Variants in KCNIP1 observed in about 807,000 individuals in gnomAD.
The protein encoded by KCNIP1 is potassium voltage-gated channel interacting protein 1, also known as A-type potassium channel modulatory protein KCNIP1.
A neutral mutation model predicts 33.0 loss-of-function variants in KCNIP1; 18 were observed. The ratio of observed to expected loss-of-function variants is 0.55; its 90% confidence interval spans 0.38 to 0.81. The LOEUF (loss-of-function observed/expected upper bound fraction) is 0.81. Among genes scored for constraint, KCNIP1 ranks in the 30% least tolerant of loss-of-function variants. The pLI is 0.00. For synonymous variants in KCNIP1, 93 were observed against 98.3 expected, an observed-to-expected ratio of 0.95 and a Z score of 0.32; for missense variants, 238 against 271.6, an observed-to-expected ratio of 0.88 and a Z score of 0.87.
intron 1 of KCNIP1, among the ~76,000 whole-genome samples, chr5:170,713,373 G>A (rs1763525474): frequency 6.6e-6 from 1 of 152,196 alleles, no homozygotes; most frequent in African/African-American, 2.4e-5. Flanking sequence ...GTAGGTGGGA[G>A]GGTAAGTAGG....
At chr5:170,370,087 G>GC (rs1266388480) in intron 1 of KCNIP1, among the ~76,000 whole-genome samples, 2 of 152,126 alleles carry the variant, frequency 1.3e-5, no homozygotes, top group Non-Finnish European at 2.9e-5. Flanking sequence ...CCCTAGAAAT[G>GC]AAGCAAGAGG....
chr5:170,506,394 G>A (rs1473518748), intron 1 of KCNIP1, among the ~76,000 whole-genome samples: 1 of 152,184 alleles, frequency 6.6e-6, no homozygotes, highest in East Asian at 1.9e-4. Flanking sequence ...TGTGTTGGCT[G>A]CAGCCACCAG....
upstream of KCNIP1, among the ~76,000 whole-genome samples, chr5:170,500,652 A>G (rs1445038118): frequency 6.6e-6 from 1 of 152,132 alleles, no homozygotes; most frequent in East Asian, 1.9e-4. Flanking sequence ...CTTGCCCCTC[A>G]CACTTACCTG....
chr5:170,626,449 T>C (rs1759828574), intron 1 of KCNIP1, among the ~76,000 whole-genome samples: 1 of 152,154 alleles, frequency 6.6e-6, no homozygotes, highest in Non-Finnish European at 1.5e-5. Flanking sequence ...CGTGAGCAGG[T>C]GTCACTGCTC....
At chr5:170,376,358 T>G (rs2113319556) in intron 1 of KCNIP1, 1 of 151,932 alleles carries the variant, frequency 6.6e-6, no homozygotes, top group South Asian at 2.1e-4. Context: ...AGAGACAGGG[T>G]TTCACCGTGT....
At chr5:170,681,146 G>C (rs749698368) in intron 1 of KCNIP1, 22 of 399,090 alleles carry the variant, frequency 5.5e-5, no homozygotes, top group Non-Finnish European at 9.7e-5. Context: ...TGAAACTTTT[G>C]CACTACCTCG....
At chr5:170,633,381 G>A (rs766093742) in intron 1 of KCNIP1, among the ~76,000 whole-genome samples, 1 of 151,736 alleles carries the variant, frequency 6.6e-6, no homozygotes, top group African/African-American at 2.4e-5. Flanking sequence ...AGTGACTGAG[G>A]TAGTCAGGGG....
At chr5:170,559,933 C>T (rs1756975670) in intron 1 of KCNIP1, among the ~76,000 whole-genome samples, 1 of 152,214 alleles carries the variant, frequency 6.6e-6, no homozygotes, top group Admixed American at 6.5e-5. Context: ...CCCAAATTTC[C>T]TCCTGCTTAT....
intron 1 of KCNIP1, among the ~76,000 whole-genome samples, chr5:170,363,193 T>C (rs941199227): frequency 2.0e-5 from 3 of 152,350 alleles, no homozygotes; most frequent in Middle Eastern, 3.4e-3. Flanking sequence ...ACATCACAGA[T>C]ACAGCACTGT....
chr5:170,549,842 T>G (rs1291705789), intron 1 of KCNIP1, among the ~76,000 whole-genome samples: 1 of 152,226 alleles, frequency 6.6e-6, no homozygotes, highest in Non-Finnish European at 1.5e-5. Flanking sequence ...GGAGGAGTAA[T>G]AATTCATTTT....
chr5:170,702,151 C>A (rs1343072884), intron 1 of KCNIP1, among the ~76,000 whole-genome samples: 2 of 152,212 alleles, frequency 1.3e-5, no homozygotes, highest in African/African-American at 4.8e-5. Flanking sequence ...CCATCCCCAC[C>A]TTTATGTCTT....
rs146371884 is a variant in KCNIP1, at chr5:170,727,462, C to T, written c.435+4642C>T. On this transcript the variant is annotated intron_variant, in intron 5 of 7. Transcript: ENST00000328939. ...GTGAATTTGTTATAAGTAAATTATG[C>T]TCCAATAAATTTGATTTATTTGTTG... Among the ~76,000 whole-genome samples the T allele has an allele frequency of 2.6e-5, 4 of 152,204 alleles. 1 individual carries two copies. In the East Asian group the frequency reaches 7.7e-4, roughly 29 times the overall value.
intron 1 of KCNIP1, among the ~76,000 whole-genome samples, chr5:170,459,976 A>G (rs1756469373): frequency 6.6e-6 from 1 of 152,224 alleles, no homozygotes; most frequent in South Asian, 2.1e-4. Flanking sequence ...AGAAAATCCA[A>G]ATAAGCTCAA....
intron 7 of KCNIP1, 49 bp downstream of exon 7, chr5:170,733,947 C>A: frequency 6.8e-7 from 1 of 1,481,412 alleles, no homozygotes; most frequent in Non-Finnish European, 9.4e-7. Context: ...GGAAAGGAAA[C>A]CTGGGGCCTG....
chr5:170,561,850 A>G (rs1167505631), intron 1 of KCNIP1, among the ~76,000 whole-genome samples: 1 of 152,236 alleles, frequency 6.6e-6, no homozygotes, highest in Non-Finnish European at 1.5e-5. Context: ...GATGCTCTTC[A>G]AATTACCATG....
intron 1 of KCNIP1, among the ~76,000 whole-genome samples, chr5:170,360,720 T>C (rs758722696): frequency 1.1e-4 from 17 of 152,196 alleles, no homozygotes; most frequent in Non-Finnish European, 1.5e-4. Flanking sequence ...TAGTTGTTCA[T>C]GGGAGAATTG....
intron 5 of KCNIP1, among the ~76,000 whole-genome samples, chr5:170,728,370 C>A (rs1354018314): frequency 6.6e-6 from 1 of 152,102 alleles, no homozygotes; most frequent in Non-Finnish European, 1.5e-5. Flanking sequence ...AAAGGAAATG[C>A]GATCTAAATA....
At chr5:170,523,110 G>A (rs1219762452) in intron 1 of KCNIP1, among the ~76,000 whole-genome samples, 1 of 152,160 alleles carries the variant, frequency 6.6e-6, no homozygotes, top group East Asian at 1.9e-4. Flanking sequence ...CATGCTGGTG[G>A]GAACAGGTCG....
In KCNIP1 at chr5:170,618,553, G is replaced by GGGAGGGAA. The variant is rs1370354174; in HGVS notation, c.62-100198_62-100197insAGGAGGGA. ...GAGGGAGGAAAGGAGGGAGGAGGGA[G>GGGAGGGAA]GGAGGGAGGGAGGGAGGGAGCTAAC... On this transcript the variant is annotated intron_variant, in intron 1 of 7. Coordinates refer to ENST00000328939, the MANE Select transcript of KCNIP1 (RefSeq NM_014592.4). Among the ~76,000 whole-genome samples, 96 of 133,354 alleles carry GGGAGGGAA rather than the reference G, an allele frequency of 7.2e-4. 1 individual carries two copies. The highest frequency in any genetic ancestry group is 1.4e-3 in the Non-Finnish European group (82 of 60,732). The allele number at this position is 133,354 out of a possible 152,430, so 87.5% of individuals were successfully genotyped here.
Sources: allele counts gnomAD v4.1 joint callset (sites outside exome capture counted in the v4.1 genomes callset), GRCh38; gene constraint gnomAD v4.1.1; transcripts MANE v1.5; gene names NCBI Gene and HGNC (gene_info 2026-07-23, HGNC 2026-07-21).